CDYL: variants seen among roughly 807,000 people sequenced by gnomAD.
CDYL encodes the protein chromodomain Y-like protein.
A neutral mutation model predicts 47.3 loss-of-function variants in CDYL; 8 were observed. That is an observed-to-expected ratio of 0.17 (90% CI 0.10 to 0.31). The LOEUF (loss-of-function observed/expected upper bound fraction) is 0.31, where lower values mean the gene tolerates loss of function less well. Ranked by LOEUF, CDYL falls within the 10% of genes least tolerant of loss-of-function variation. The probability of loss-of-function intolerance (pLI) is 1.00; values close to 1 mark genes in which losing one functional copy is unlikely to be tolerated. For synonymous variants in CDYL, 266 were observed against 265.0 expected, an observed-to-expected ratio of 1.00 and a Z score of -0.04; for missense variants, 471 against 701.4, an observed-to-expected ratio of 0.67 and a Z score of 3.71.
At chr6:4,762,645 C>CAAAA (rs1173404314) in intron 3 of CDYL, among the ~76,000 whole-genome samples, 2 of 39,648 alleles carry the variant, frequency 5.0e-5, no homozygotes, top group Non-Finnish European at 5.4e-5. Flanking sequence ...TAAAGGGTAC[C>CAAAA]AAAAAAAAAA....
At chr6:4,894,927 G>GTGTGTA (rs1554105563) in intron 2 of CDYL, among the ~76,000 whole-genome samples, 212 of 146,614 alleles carry the variant, frequency 1.4e-3, no homozygotes, top group African/African-American at 2.6e-3. Flanking sequence ...ATACACATAT[G>GTGTGTA]TATGTGTGTA....
intron 1 of CDYL, among the ~76,000 whole-genome samples, chr6:4,813,099 T>C (rs1478673006): frequency 6.6e-6 from 1 of 152,218 alleles, no homozygotes; most frequent in Non-Finnish European, 1.5e-5. Context: ...CAGTTAGAGC[T>C]CTAGGATTTT....
At chr6:4,901,420 T>C (rs372403757) in intron 2 of CDYL, among the ~76,000 whole-genome samples, 2 of 152,088 alleles carry the variant, frequency 1.3e-5, no homozygotes, top group African/African-American at 4.8e-5. Context: ...TACCTTAAGG[T>C]TGGGAGCAGC....
At chr6:4,787,962 A>G (rs1758801325) in intron 1 of CDYL, among the ~76,000 whole-genome samples, 2 of 151,716 alleles carry the variant, frequency 1.3e-5, no homozygotes, top group African/African-American at 2.4e-5. Flanking sequence ...AGTAGAGACA[A>G]GGATTCACCA....
chr6:4,724,666 G>C (rs1008633731), intron 2 of CDYL: 1 of 152,306 alleles, frequency 6.6e-6, no homozygotes, highest in African/African-American at 2.4e-5. Context: ...GACCTTCGCA[G>C]TGAGTGTTAC....
At chr6:4,941,416 C>G (rs536981778) in intron 4 of CDYL, among the ~76,000 whole-genome samples, 1 of 152,094 alleles carries the variant, frequency 6.6e-6, no homozygotes, top group South Asian at 2.1e-4. Context: ...TAAAACAAAA[C>G]GAGTCTCTGT....
At chr6:4,765,866 C>T (rs1212129133) in intron 3 of CDYL, among the ~76,000 whole-genome samples, 1 of 151,662 alleles carries the variant, frequency 6.6e-6, no homozygotes, top group Non-Finnish European at 1.5e-5. Context: ...GCCTGTTGAA[C>T]AAAGTCATCT....
intron 1 of CDYL, among the ~76,000 whole-genome samples, chr6:4,874,040 CT>C (rs2127474557): frequency 6.6e-6 from 1 of 152,298 alleles, no homozygotes; most frequent in Non-Finnish European, 1.5e-5. Context: ...CCTTTTGGTG[CT>C]CATCGTTCAG....
At chr6:4,857,883 C>T (rs932316522) in intron 1 of CDYL, among the ~76,000 whole-genome samples, 1 of 152,136 alleles carries the variant, frequency 6.6e-6, no homozygotes, top group Non-Finnish European at 1.5e-5. Flanking sequence ...CCCATACTCA[C>T]TTCTCATTAT....
At position 4,954,258 on chromosome 6, in the gene CDYL, C is replaced by A. The variant is rs1758802362; in HGVS notation, c.*202C>A. ...TTTAAAATAAATAACTACAAAGCTT[C>A]TTTGTCCAAACGTCATTATTTTATA... On this transcript the variant is annotated 3_prime_UTR_variant, in exon 7 of 7. Coordinates refer to ENST00000397588, the MANE Select transcript of CDYL (RefSeq NM_004824.4). The A allele has an allele frequency of 2.0e-6, 1 of 498,710 alleles. No individual in the cohort carries two copies. The highest frequency in any genetic ancestry group is 3.6e-5 in the Admixed American group (1 of 28,166). 30.9% of individuals were successfully genotyped at this position (498,710 alleles called of 1,614,324 possible). A position where few individuals can be genotyped will look rare whatever the true frequency, so the allele number is the denominator to read the frequency against.
chr6:4,847,000 C>T (rs866521482), intron 1 of CDYL, among the ~76,000 whole-genome samples: 3 of 152,100 alleles, frequency 2.0e-5, no homozygotes, highest in Non-Finnish European at 4.4e-5. Context: ...ATCTGTGATC[C>T]CCCCATTCTT....
intron 5 of CDYL, among the ~76,000 whole-genome samples, chr6:4,947,150 G>T (rs138155497): frequency 1.3e-5 from 2 of 152,214 alleles, no homozygotes; most frequent in Non-Finnish European, 2.9e-5. Flanking sequence ...GGGAAGAGGC[G>T]AGTTACAGGC....
chr6:4,951,698 C>T (rs1033851359), intron 5 of CDYL, among the ~76,000 whole-genome samples: 2 of 152,022 alleles, frequency 1.3e-5, no homozygotes, highest in African/African-American at 4.8e-5. Flanking sequence ...CTAGCAGAAA[C>T]GGTCGCTGCC....
chr6:4,796,766 G>A (rs1315375785), intron 1 of CDYL, among the ~76,000 whole-genome samples: 1 of 152,064 alleles, frequency 6.6e-6, no homozygotes, highest in African/African-American at 2.4e-5. Context: ...TGTCTTGAGA[G>A]CACCATATAA....
chr6:4,715,683 C>T, intron 1 of CDYL: 2 of 1,496,830 alleles, frequency 1.3e-6, no homozygotes, highest in Non-Finnish European at 1.8e-6. Flanking sequence ...ATGCCATGAG[C>T]CTTGGGTTTT....
chr6:4,902,524 G>A (rs1246319073), intron 2 of CDYL, among the ~76,000 whole-genome samples: 1 of 152,122 alleles, frequency 6.6e-6, no homozygotes, highest in East Asian at 1.9e-4. Context: ...TCCTCCCAAT[G>A]CAGCTGTGCC....
chr6:4,796,255 T>G (rs970202027), intron 1 of CDYL, among the ~76,000 whole-genome samples: 3 of 152,178 alleles, frequency 2.0e-5, no homozygotes, highest in Non-Finnish European at 4.4e-5. Context: ...GAGTAGGATA[T>G]TTATTCATAG....
intron 1 of CDYL, among the ~76,000 whole-genome samples, chr6:4,802,574 G>A (rs2127439851): frequency 6.6e-6 from 1 of 152,194 alleles, no homozygotes; most frequent in African/African-American, 2.4e-5. Flanking sequence ...AATGTTATCT[G>A]TGAGTGTTTG....
At chr6:4,781,977 A>T (rs1358579115) in intron 1 of CDYL, among the ~76,000 whole-genome samples, 2 of 150,982 alleles carry the variant, frequency 1.3e-5, no homozygotes, top group Non-Finnish European at 3.0e-5. Context: ...ATGTTCCGAG[A>T]AGCTTCTTTT....
Sources: allele counts gnomAD v4.1 joint callset (sites outside exome capture counted in the v4.1 genomes callset), GRCh38; gene constraint gnomAD v4.1.1; transcripts MANE v1.5; gene names NCBI Gene and HGNC (gene_info 2026-07-23, HGNC 2026-07-21).